AUTS2: variants seen among roughly 807,000 people sequenced by gnomAD.
AUTS2 encodes the protein autism susceptibility gene 2 protein.
Under a neutral mutation model 112.4 loss-of-function variants are expected in AUTS2, and 17 were observed. The ratio of observed to expected loss-of-function variants is 0.15; its 90% CI spans 0.10 to 0.23. The LOEUF (loss-of-function observed/expected upper bound fraction) is 0.23, where lower values mean the gene tolerates loss of function less well. Among genes scored for constraint, AUTS2 ranks in the 10% least tolerant of loss-of-function variants. The pLI is 1.00. For synonymous variants in AUTS2, 751 were observed against 702.7 expected (o/e 1.07, Z -1.09); for missense variants, 1,510 against 1,701.6 (o/e 0.89, Z 1.98).
intron 1 of AUTS2, among the ~76,000 whole-genome samples, chr7:69,861,469 A>T (rs936401509): frequency 2.6e-5 from 4 of 152,172 alleles, no homozygotes; most frequent in African/African-American, 9.7e-5. Context: ...TTAAGTAAGC[A>T]TCTTGAGCAG....
chr7:70,371,498 A>G (rs538179321), intron 4 of AUTS2, among the ~76,000 whole-genome samples: 10 of 152,352 alleles, frequency 6.6e-5, no homozygotes, highest in Non-Finnish European at 1.2e-4. Context: ...AACTAATGAT[A>G]GAGGAAAACC....
At chr7:70,218,953 A>G (rs1811320701) in intron 4 of AUTS2, among the ~76,000 whole-genome samples, 1 of 152,216 alleles carries the variant, frequency 6.6e-6, no homozygotes, top group South Asian at 2.1e-4. Context: ...AGAAAAAAAA[A>G]TAGTAGTAAG....
At chr7:69,649,768 C>G (rs777748717) in intron 1 of AUTS2, among the ~76,000 whole-genome samples, 7 of 152,086 alleles carry the variant, frequency 4.6e-5, no homozygotes, top group Non-Finnish European at 1.0e-4. Flanking sequence ...TAACCACAGA[C>G]TCTTTCAGAG....
chr7:70,552,533 G>A (rs893546488), intron 5 of AUTS2, among the ~76,000 whole-genome samples: 1 of 152,152 alleles, frequency 6.6e-6, no homozygotes, highest in Non-Finnish European at 1.5e-5. Context: ...AAAATAGAAG[G>A]TTTGTTTTTG....
At chr7:70,344,713 A>G (rs1486123521) in intron 4 of AUTS2, among the ~76,000 whole-genome samples, 2 of 152,190 alleles carry the variant, frequency 1.3e-5, no homozygotes, top group Non-Finnish European at 2.9e-5. Flanking sequence ...GGCTAGCAGT[A>G]TGTCTCCCCC....
intron 2 of AUTS2, among the ~76,000 whole-genome samples, chr7:69,949,415 C>T (rs1796942358): frequency 6.6e-6 from 1 of 152,134 alleles, no homozygotes; most frequent in African/African-American, 2.4e-5. Flanking sequence ...TATTTTTGTC[C>T]ACATTTTTAT....
At chr7:70,048,733 C>A (rs1259193017) in intron 2 of AUTS2, among the ~76,000 whole-genome samples, 2 of 152,090 alleles carry the variant, frequency 1.3e-5, no homozygotes, top group Non-Finnish European at 2.9e-5. Context: ...AAAGGTGAGA[C>A]CTGAGGTCCT....
chr7:69,732,663 C>G (rs1017625915), intron 1 of AUTS2, among the ~76,000 whole-genome samples: 4 of 152,050 alleles, frequency 2.6e-5, no homozygotes, highest in African/African-American at 9.7e-5. Context: ...ATCTGTTTCT[C>G]TCTTGAGTAA....
chr7:70,053,558 G>GA (rs1801857885), intron 2 of AUTS2, among the ~76,000 whole-genome samples: 1 of 69,866 alleles, frequency 1.4e-5, no homozygotes, highest in African/African-American at 7.7e-5. Flanking sequence ...TTTTTTTTTG[G>GA]AGACAGGATC....
chr7:70,617,607 G>A (rs1326457393), intron 5 of AUTS2, among the ~76,000 whole-genome samples: 2 of 152,016 alleles, frequency 1.3e-5, no homozygotes, highest in Non-Finnish European at 2.9e-5. Flanking sequence ...AGCTTGCAGT[G>A]AGCTGAGATC....
chr7:70,709,394 A>G (rs1276656674), intron 6 of AUTS2, among the ~76,000 whole-genome samples: 1 of 152,132 alleles, frequency 6.6e-6, no homozygotes, highest in Non-Finnish European at 1.5e-5. Context: ...TTGTGAATCT[A>G]AAGACCAAAG....
intron 6 of AUTS2, among the ~76,000 whole-genome samples, chr7:70,702,885 C>A (rs1809535794): frequency 1.3e-5 from 2 of 152,164 alleles, no homozygotes; most frequent in African/African-American, 4.8e-5. Context: ...TGGTTTTGCA[C>A]TGAGAATTTC....
At chr7:70,416,720 C>T (rs1381277197) in intron 4 of AUTS2, among the ~76,000 whole-genome samples, 2 of 152,232 alleles carry the variant, frequency 1.3e-5, no homozygotes, top group African/African-American at 4.8e-5. Flanking sequence ...CCTGCCGACG[C>T]AGCGCCTGCT....
At chr7:69,977,158 T>C (rs1212377681) in intron 2 of AUTS2, among the ~76,000 whole-genome samples, 1 of 152,230 alleles carries the variant, frequency 6.6e-6, no homozygotes, top group Non-Finnish European at 1.5e-5. Flanking sequence ...TTCTTTTGCA[T>C]GTGAGCGTCC....
intron 4 of AUTS2, among the ~76,000 whole-genome samples, chr7:70,333,726 A>G (rs1176792085): frequency 1.3e-5 from 2 of 152,090 alleles, no homozygotes; most frequent in African/African-American, 2.4e-5. Context: ...CAAACACCGC[A>G]TGTTCTCACT....
At chr7:69,866,794 C>T (rs574911711) in intron 1 of AUTS2, among the ~76,000 whole-genome samples, 3 of 152,142 alleles carry the variant, frequency 2.0e-5, no homozygotes, top group Non-Finnish European at 4.4e-5. Flanking sequence ...GGAATTATTT[C>T]CACCTTCCCG....
chr7:70,030,413 G>A (rs1002257212), intron 2 of AUTS2, among the ~76,000 whole-genome samples: 1 of 152,116 alleles, frequency 6.6e-6, no homozygotes, highest in Admixed American at 6.5e-5. Context: ...GAATAGACCC[G>A]TGGTAATGAT....
At chr7:70,570,297 T>C (rs994454913) in intron 5 of AUTS2, among the ~76,000 whole-genome samples, 10 of 152,206 alleles carry the variant, frequency 6.6e-5, no homozygotes, top group African/African-American at 2.4e-4. Context: ...TGTTTCCTTC[T>C]CCAGAGTCCT....
intron 2 of AUTS2, among the ~76,000 whole-genome samples, chr7:70,076,234 A>G (rs1175228052): frequency 6.6e-6 from 1 of 152,224 alleles, no homozygotes; most frequent in Non-Finnish European, 1.5e-5. Context: ...TGGCATAAAA[A>G]AAAGCATCGC....
Sources: allele counts gnomAD v4.1 joint callset (sites outside exome capture counted in the v4.1 genomes callset), GRCh38; gene constraint gnomAD v4.1.1; transcripts MANE v1.5; gene names NCBI Gene and HGNC (gene_info 2026-07-23, HGNC 2026-07-21).